The following NLGN1 variants were observed in gnomAD, a reference collection of about 807,000 sequenced individuals.
NLGN1 encodes neuroligin-1.
A neutral mutation model predicts 65.5 loss-of-function variants in NLGN1; 12 were observed. The observed-to-expected ratio is 0.18, with a 90% CI of 0.12 to 0.30. NLGN1 has a LOEUF of 0.30. NLGN1 is among the 10% of genes least tolerant of loss of function. The pLI is 1.00. For synonymous variants in NLGN1, 350 were observed against 359.5 expected, an observed-to-expected ratio of 0.97 and a Z score of 0.30; for missense variants, 750 against 1,007.1, an observed-to-expected ratio of 0.74 and a Z score of 3.46.
At chr3:174,238,464 G>A (rs567098459) in intron 4 of NLGN1, among the ~76,000 whole-genome samples, 2 of 152,118 alleles carry the variant, frequency 1.3e-5, no homozygotes, top group East Asian at 3.9e-4. Context: ...CAGGGTCCAA[G>A]CAAGTCTCCT....
At chr3:174,016,407 A>C (rs1579783845) in intron 4 of NLGN1, among the ~76,000 whole-genome samples, 2 of 152,190 alleles carry the variant, frequency 1.3e-5, no homozygotes, top group Non-Finnish European at 2.9e-5. Flanking sequence ...TGATTCACAC[A>C]GCATTGCAAT....
At chr3:174,214,921 A>AT (rs999091585) in intron 4 of NLGN1, among the ~76,000 whole-genome samples, 3 of 151,888 alleles carry the variant, frequency 2.0e-5, no homozygotes, top group East Asian at 1.9e-4. Context: ...AAGCAATGTA[A>AT]TTTTTTTTGG....
chr3:173,951,002 G>A (rs1748100403), intron 4 of NLGN1, among the ~76,000 whole-genome samples: 5 of 151,952 alleles, frequency 3.3e-5, no homozygotes, highest in Admixed American at 3.3e-4. Context: ...GAATAGGTGG[G>A]ACTACAGGAG....
chr3:174,087,598 C>T (rs1040240845), intron 4 of NLGN1, among the ~76,000 whole-genome samples: 1 of 152,144 alleles, frequency 6.6e-6, no homozygotes, highest in Non-Finnish European at 1.5e-5. Flanking sequence ...GGTTTCAGAT[C>T]TTTGCATACA....
intron 3 of NLGN1, among the ~76,000 whole-genome samples, chr3:173,797,532 G>C (rs569438693): frequency 6.6e-6 from 1 of 152,078 alleles, no homozygotes; most frequent in African/African-American, 2.4e-5. Context: ...AGCAATATTT[G>C]TATTTGCTTC....
chr3:173,790,487 G>A (rs935388078), intron 3 of NLGN1, among the ~76,000 whole-genome samples: 6 of 152,056 alleles, frequency 3.9e-5, no homozygotes, highest in African/African-American at 1.2e-4. Context: ...GGTATTTCAC[G>A]TTTAGAATAT....
chr3:174,038,647 C>A (rs766728203), intron 4 of NLGN1, among the ~76,000 whole-genome samples: 2 of 152,172 alleles, frequency 1.3e-5, no homozygotes, highest in Admixed American at 1.3e-4. Context: ...AGGTTACCCC[C>A]CTGAGTCCAT....
At chr3:174,291,612 G>A (rs564058611), downstream of NLGN1, among the ~76,000 whole-genome samples, 55 of 151,314 alleles carry the variant, frequency 3.6e-4, 1 homozygote, top group Admixed American at 1.9e-3. Context: ...AAGATAAGAC[G>A]TTAGAATGTA....
chr3:174,209,623 CTTTTTTTTTTTT>C lies in NLGN1; in HGVS notation c.647-65677_647-65666del, dbSNP rs796169913. 7.3e-3 allele frequency among the ~76,000 whole-genome samples: 603 copies of C among 82,098 alleles called. 10 individuals are homozygous for C. Among genetic ancestry groups the C allele is most frequent in the African/African-American group, 0.027 (567 of 20,622 alleles). 53.9% of individuals were successfully genotyped at this position (82,098 alleles called of 152,430 possible). On this transcript the variant is annotated intron_variant, in intron 4 of 6. Transcript: ENST00000457714. Reference sequence around the variant, plus strand: ...CCCTGGTGTCTATCAACCTTTCTTTCTTTTTTTTTTTTTTTTTTTTTTTTTTGAGACAGAGTC... The same window carrying C: ...CCCTGGTGTCTATCAACCTTTCTTTCTTTTTTTTTTTTTTGAGACAGAGTC...
At chr3:174,126,355 CA>C (rs1469389871) in intron 4 of NLGN1, among the ~76,000 whole-genome samples, 1 of 152,076 alleles carries the variant, frequency 6.6e-6, no homozygotes, top group Non-Finnish European at 1.5e-5. Context: ...ATATACTTTG[CA>C]ACCTGACAGA....
At chr3:174,181,976 CAAAAAAAAA>C (rs551914698) in intron 4 of NLGN1, among the ~76,000 whole-genome samples, 66 of 44,398 alleles carry the variant, frequency 1.5e-3, no homozygotes, top group African/African-American at 4.5e-3. Flanking sequence ...GACTTGGTGT[CAAAAAAAAA>C]AAAAAAAAAA....
At chr3:174,064,448 T>A (rs1412760989) in intron 4 of NLGN1, among the ~76,000 whole-genome samples, 1 of 151,848 alleles carries the variant, frequency 6.6e-6, no homozygotes, top group Non-Finnish European at 1.5e-5. Context: ...AGATTAATAG[T>A]TTGGGTTTGA....
intron 3 of NLGN1, among the ~76,000 whole-genome samples, chr3:173,687,520 G>A (rs1175211047): frequency 6.6e-6 from 1 of 152,102 alleles, no homozygotes; most frequent in East Asian, 1.9e-4. Flanking sequence ...TTCCTAAATG[G>A]TAACTTACTC....
chr3:173,780,784 G>A (rs1456698750), intron 3 of NLGN1, among the ~76,000 whole-genome samples: 1 of 152,110 alleles, frequency 6.6e-6, no homozygotes, highest in Admixed American at 6.6e-5. Context: ...ATGTTAAACA[G>A]CAAGTTAAAA....
chr3:174,108,297 T>G (rs111484424), intron 4 of NLGN1, among the ~76,000 whole-genome samples: 1 of 152,144 alleles, frequency 6.6e-6, no homozygotes, highest in Non-Finnish European at 1.5e-5. Context: ...AATTTTTGTA[T>G]AAGATGTGAA....
chr3:173,975,135 G>T (rs928640486), intron 4 of NLGN1, among the ~76,000 whole-genome samples: 1 of 152,006 alleles, frequency 6.6e-6, no homozygotes, highest in South Asian at 2.1e-4. Flanking sequence ...AGATGTGCAC[G>T]TTTACACTTA....
chr3:173,498,866 C>G (rs1054896701), intron 2 of NLGN1, among the ~76,000 whole-genome samples: 2 of 151,604 alleles, frequency 1.3e-5, no homozygotes, highest in African/African-American at 4.9e-5. Flanking sequence ...TGAGAAGTGT[C>G]TGTTCATATC....
chr3:173,674,212 G>A (rs755941120), intron 3 of NLGN1, among the ~76,000 whole-genome samples: 4 of 152,130 alleles, frequency 2.6e-5, no homozygotes, highest in Non-Finnish European at 5.9e-5. Context: ...ACACAAAATT[G>A]TAGACTTTTG....
chr3:174,090,472 C>T (rs1432704066), intron 4 of NLGN1, among the ~76,000 whole-genome samples: 1 of 150,784 alleles, frequency 6.6e-6, no homozygotes, highest in East Asian at 2.0e-4. Context: ...GACTCTGTCT[C>T]AAAAAAAGAA....
Sources: gnomAD v4.1 joint callset for allele counts (sites outside exome capture counted in the v4.1 genomes callset) on GRCh38, gnomAD v4.1.1 for gene constraint, MANE v1.5 for transcripts, NCBI Gene and HGNC (gene_info 2026-07-23, HGNC 2026-07-21) for gene names.